PRKCH: variants seen among roughly 807,000 people sequenced by gnomAD.
The protein encoded by PRKCH is protein kinase C eta, also known as protein kinase C eta type.
Under a neutral mutation model 82.5 loss-of-function variants are expected in PRKCH, and 28 were observed. That is an observed-to-expected ratio of 0.34 (90% CI 0.25 to 0.47). The LOEUF (loss-of-function observed/expected upper bound fraction) is 0.47. Among genes scored for constraint, PRKCH ranks in the 20% least tolerant of loss-of-function variants. The probability of loss-of-function intolerance (pLI) is 1.00; values close to 1 mark genes in which losing one functional copy is unlikely to be tolerated. For synonymous variants in PRKCH, 322 were observed against 327.4 expected, an observed-to-expected ratio of 0.98 and a Z score of 0.18; for missense variants, 705 against 881.8, an observed-to-expected ratio of 0.80 and a Z score of 2.54.
chr14:61,413,596 T>C lies in PRKCH; in HGVS notation c.427+22308T>C, dbSNP rs139847515. ...GTTGTCATTGCTTTTGCTAAAGACC[T>C]GTGCTTCCTCACGAACTTTGCTTCC... On this transcript the variant is annotated intron_variant, in intron 2 of 13. Coordinates refer to ENST00000332981, the MANE Select transcript of PRKCH (RefSeq NM_006255.5). Among the ~76,000 whole-genome samples the C allele has an allele frequency of 9.9e-5, 15 of 152,262 alleles. No homozygotes were observed. In the East Asian group the frequency reaches 2.9e-3, roughly 29 times the overall value.
At chr14:61,467,093 G>A (rs550121168) in intron 9 of PRKCH, among the ~76,000 whole-genome samples, 63 of 152,240 alleles carry the variant, frequency 4.1e-4, no homozygotes, top group African/African-American at 1.4e-3. Flanking sequence ...CGAAGAAGTG[G>A]GAGAGGCAGA....
At chr14:61,507,922 A>AAG (rs1352514819) in intron 10 of PRKCH, among the ~76,000 whole-genome samples, 2 of 152,118 alleles carry the variant, frequency 1.3e-5, no homozygotes, top group South Asian at 4.1e-4. Context: ...AGTACATCTT[A>AAG]AGTGCTCTTA....
chr14:61,427,923 G>T (rs1042262419), intron 2 of PRKCH, among the ~76,000 whole-genome samples: 1 of 151,948 alleles, frequency 6.6e-6, no homozygotes, highest in African/African-American at 2.4e-5. Context: ...GCTGAGTGTG[G>T]TGGCTCACAC....
chr14:61,198,609 T>G (rs1225886473), intron 1 of PRKCH, among the ~76,000 whole-genome samples: 1 of 152,254 alleles, frequency 6.6e-6, no homozygotes, highest in Non-Finnish European at 1.5e-5. Flanking sequence ...AAACTATGTC[T>G]CTATATTCCC....
At chr14:61,451,044 A>C in intron 6 of PRKCH, 73 bp downstream of exon 6, 3 of 1,526,792 alleles carry the variant, frequency 2.0e-6, no homozygotes, top group Non-Finnish European at 2.7e-6. Context: ...AATTCTGTGG[A>C]CTCAGAATCT....
intron 6 of PRKCH, 69 bp downstream of exon 6, chr14:61,451,040 G>T: frequency 6.5e-7 from 1 of 1,549,778 alleles, no homozygotes. Flanking sequence ...TCAGAATTCT[G>T]TGGACTCAGA....
At chr14:61,449,666 G>A (rs1333199512) in intron 5 of PRKCH, among the ~76,000 whole-genome samples, 1 of 152,150 alleles carries the variant, frequency 6.6e-6, no homozygotes, top group African/African-American at 2.4e-5. Flanking sequence ...TCTTCTCTAT[G>A]AGCTGCGGCA....
At chr14:61,354,508 G>A (rs1013487864) in intron 1 of PRKCH, among the ~76,000 whole-genome samples, 1 of 151,436 alleles carries the variant, frequency 6.6e-6, no homozygotes, top group Non-Finnish European at 1.5e-5. Context: ...ATATTTAGGG[G>A]TTGTTTTCTT....
intron 2 of PRKCH, among the ~76,000 whole-genome samples, chr14:61,414,461 C>T (rs1324179799): frequency 6.6e-6 from 1 of 151,826 alleles, no homozygotes; most frequent in Non-Finnish European, 1.5e-5. Context: ...TTGATAGAGT[C>T]GAGGTTTCAC....
intron 1 of PRKCH, among the ~76,000 whole-genome samples, chr14:61,361,770 G>T (rs1420814192): frequency 6.6e-6 from 1 of 152,164 alleles, no homozygotes; most frequent in Non-Finnish European, 1.5e-5. Context: ...AATAAAAAAA[G>T]GAAGGTAAGC....
chr14:61,252,903 C>T (rs1179656676), intron 1 of PRKCH, among the ~76,000 whole-genome samples: 1 of 152,112 alleles, frequency 6.6e-6, no homozygotes, highest in African/African-American at 2.4e-5. Context: ...CGGTCACGCC[C>T]CTGGTACTGA....
At chr14:61,265,931 C>T (rs1346956411) in intron 1 of PRKCH, among the ~76,000 whole-genome samples, 1 of 152,066 alleles carries the variant, frequency 6.6e-6, no homozygotes, top group Non-Finnish European at 1.5e-5. Flanking sequence ...CCCATCTCTA[C>T]TAAAAATAAA....
At chr14:61,465,379 C>G (rs1411553486) in intron 9 of PRKCH, among the ~76,000 whole-genome samples, 35 of 152,128 alleles carry the variant, frequency 2.3e-4, no homozygotes, top group Admixed American at 2.3e-3. Flanking sequence ...AGTCTTTAGT[C>G]CATTTTTCAG....
chr14:61,468,469 C>T (rs977909196), intron 9 of PRKCH, among the ~76,000 whole-genome samples: 11 of 152,192 alleles, frequency 7.2e-5, no homozygotes, highest in Non-Finnish European at 1.5e-4. Flanking sequence ...TAGGCCTTCT[C>T]CAGGATCTGG....
Position 61,542,065 on chromosome 14 carries a change from G to A in PRKCH, c.1762-5678G>A, listed in dbSNP as rs141374268. On this transcript the variant is annotated intron_variant, in intron 12 of 13. Coordinates refer to ENST00000332981, the MANE Select transcript of PRKCH (RefSeq NM_006255.5). ...AGCACTTTGGGAGGCCGAGGCAGGC[G>A]GATCACTTGAGGTCAGGAGTTCAAA... 5.3e-3 allele frequency among the ~76,000 whole-genome samples: 807 copies of A among 152,234 alleles called. 13 individuals are homozygous for A. The highest frequency in any genetic ancestry group is 0.019 in the African/African-American group (777 of 41,530).
In PRKCH at chr14:61,547,867, C is replaced by T. The variant is rs1413045560; in HGVS notation, c.1886C>T (p.Pro629Leu). 8 of 1,613,890 alleles carry T rather than the reference C, an allele frequency of 5.0e-6. No individual in the cohort carries two copies. The highest frequency in any genetic ancestry group is 3.3e-5 in the Admixed American group (2 of 59,982). The change falls in exon 13 of 14, where the codon CCG becomes CTG. Residue 629 changes from proline to leucine, a missense_variant. Physicochemically the swap from Pro to Leu is moderately conservative, Grantham distance 98. Transcript: ENST00000332981. ...WAQLNHRQIE[P>L]PFRPRIKSRE... Reference sequence around the variant, plus strand: ...CAGCTGAACCATCGCCAAATAGAACCGCCTTTCAGACCCAGAATCGTAAGT... The same window carrying T: ...CAGCTGAACCATCGCCAAATAGAACTGCCTTTCAGACCCAGAATCGTAAGT...
At chr14:61,281,219 G>A in intron 1 of PRKCH, 1 of 1,000,462 alleles carries the variant, frequency 1.0e-6, no homozygotes, top group African/African-American at 1.7e-5. Context: ...CCCTCTCCGC[G>A]CCGCGCAAGC....
chr14:61,231,806 A>T (rs1176510311), intron 1 of PRKCH, among the ~76,000 whole-genome samples: 1 of 152,160 alleles, frequency 6.6e-6, no homozygotes, highest in Admixed American at 6.5e-5. Context: ...TTAGACGCAC[A>T]AAATGGGTTC....
At chr14:61,340,630 G>A (rs1336613035) in intron 1 of PRKCH, among the ~76,000 whole-genome samples, 1 of 152,126 alleles carries the variant, frequency 6.6e-6, no homozygotes, top group Non-Finnish European at 1.5e-5. Flanking sequence ...GGAGTGCTGT[G>A]GCACCTGCAT....
Sources: gnomAD v4.1 joint callset for allele counts (sites outside exome capture counted in the v4.1 genomes callset) on GRCh38, gnomAD v4.1.1 for gene constraint, MANE v1.5 for transcripts, NCBI Gene and HGNC (gene_info 2026-07-23, HGNC 2026-07-21) for gene names.